The following GALNTL6 variants were observed in gnomAD, a reference collection of about 807,000 sequenced individuals.
The protein encoded by GALNTL6 is polypeptide N-acetylgalactosaminyltransferase like 6, also known as polypeptide N-acetylgalactosaminyltransferase-like 6.
Under a neutral mutation model 73.7 loss-of-function variants are expected in GALNTL6, and 46 were observed. The observed-to-expected ratio is 0.62, with a 90% CI of 0.49 to 0.80. GALNTL6 has a LOEUF of 0.80. Ranked by LOEUF, GALNTL6 falls within the 30% of genes least tolerant of loss-of-function variation. The pLI, the probability that GALNTL6 is intolerant of heterozygous loss-of-function variation, is 0.00. For synonymous variants in GALNTL6, 259 were observed against 263.7 expected (o/e 0.98, Z 0.17); for missense variants, 604 against 755.0 (o/e 0.80, Z 2.34).
At chr4:171,932,544 C>T (rs1738220378) in intron 2 of GALNTL6, among the ~76,000 whole-genome samples, 1 of 152,136 alleles carries the variant, frequency 6.6e-6, no homozygotes, top group African/African-American at 2.4e-5. Flanking sequence ...GGTGTCTTGT[C>T]TAGACAGCAG....
chr4:172,460,915 C>T (rs993722056), intron 5 of GALNTL6, among the ~76,000 whole-genome samples: 3 of 152,106 alleles, frequency 2.0e-5, no homozygotes, highest in East Asian at 1.9e-4. Flanking sequence ...GATACGTACA[C>T]GTGTATGTTT....
intron 2 of GALNTL6, among the ~76,000 whole-genome samples, chr4:172,111,383 GT>G (rs1283744388): frequency 6.6e-6 from 1 of 151,676 alleles, no homozygotes; most frequent in Non-Finnish European, 1.5e-5. Flanking sequence ...TCAGAATATT[GT>G]TTTCTTTTAG....
chr4:172,342,386 T>A (rs1167264367), intron 4 of GALNTL6, among the ~76,000 whole-genome samples: 1 of 152,208 alleles, frequency 6.6e-6, no homozygotes, highest in Non-Finnish European at 1.5e-5. Context: ...ACCTCCTGTG[T>A]AGGCTATAAT....
At chr4:172,126,265 T>C (rs1733290556) in intron 2 of GALNTL6, among the ~76,000 whole-genome samples, 1 of 152,202 alleles carries the variant, frequency 6.6e-6, no homozygotes, top group South Asian at 2.1e-4. Flanking sequence ...TTTTTTCTTA[T>C]TTGGAAGTGA....
intron 2 of GALNTL6, among the ~76,000 whole-genome samples, chr4:171,900,055 G>A (rs944188781): frequency 1.3e-5 from 2 of 151,754 alleles, no homozygotes; most frequent in Admixed American, 6.6e-5. Flanking sequence ...AACTAAATGA[G>A]GGTTATGGAG....
At chr4:172,754,722 G>C (rs1045721691) in intron 5 of GALNTL6, among the ~76,000 whole-genome samples, 3 of 151,780 alleles carry the variant, frequency 2.0e-5, no homozygotes, top group Admixed American at 2.0e-4. Context: ...GTTATAGTTA[G>C]AATTCTTTAG....
chr4:172,205,270 C>T (rs1230131101), intron 2 of GALNTL6, among the ~76,000 whole-genome samples: 1 of 152,080 alleles, frequency 6.6e-6, no homozygotes, highest in African/African-American at 2.4e-5. Flanking sequence ...CAAGGATCTG[C>T]AAAATTTTTC....
chr4:172,887,649 C>T (rs773095272), intron 8 of GALNTL6, among the ~76,000 whole-genome samples: 8 of 151,740 alleles, frequency 5.3e-5, no homozygotes, highest in African/African-American at 1.2e-4. Flanking sequence ...CTGCAATCTC[C>T]GCCTCCTAGG....
At chr4:172,776,192 A>G (rs1480182087) in intron 5 of GALNTL6, among the ~76,000 whole-genome samples, 1 of 152,196 alleles carries the variant, frequency 6.6e-6, no homozygotes, top group Non-Finnish European at 1.5e-5. Flanking sequence ...ATGAAACGCT[A>G]ATGTAAGATT....
chr4:172,777,671 A>G (rs1349937799), intron 5 of GALNTL6, among the ~76,000 whole-genome samples: 2 of 152,114 alleles, frequency 1.3e-5, no homozygotes, highest in Non-Finnish European at 2.9e-5. Flanking sequence ...TCTATTTATG[A>G]TTTGATATGG....
chr4:171,816,001 A>T (rs963154276), intron 2 of GALNTL6: 1 of 152,252 alleles, frequency 6.6e-6, no homozygotes, highest in East Asian at 1.9e-4. Flanking sequence ...TAGGAATTCA[A>T]CTTTGGTTTG....
chr4:172,974,956 G>A (rs564597164), intron 10 of GALNTL6, among the ~76,000 whole-genome samples: 1 of 152,256 alleles, frequency 6.6e-6, no homozygotes, highest in Non-Finnish European at 1.5e-5. Flanking sequence ...GAGCTCCAAA[G>A]AGGGTGTCAC....
At chr4:172,571,226 C>T (rs577475461) in intron 5 of GALNTL6, among the ~76,000 whole-genome samples, 2 of 152,218 alleles carry the variant, frequency 1.3e-5, no homozygotes, top group East Asian at 1.9e-4. Context: ...CCTTATTGTT[C>T]GGAAGCAGGA....
chr4:172,925,169 G>T (rs1009713870), intron 8 of GALNTL6, among the ~76,000 whole-genome samples: 2 of 146,208 alleles, frequency 1.4e-5, no homozygotes, highest in African/African-American at 5.5e-5. Context: ...ACCGCACCAG[G>T]CTTATGTTTT....
intron 4 of GALNTL6, among the ~76,000 whole-genome samples, chr4:172,318,087 A>G (rs528325526): frequency 1.3e-5 from 2 of 152,372 alleles, no homozygotes; most frequent in East Asian, 3.9e-4. Context: ...AGAATCAGGT[A>G]GAAGCCATCT....
chr4:172,956,005 A>T (rs543078016), intron 10 of GALNTL6, among the ~76,000 whole-genome samples: 69 of 152,258 alleles, frequency 4.5e-4, no homozygotes, highest in African/African-American at 1.6e-3. Flanking sequence ...AGCCATCTGG[A>T]TGTGTACGTG....
rs55660692 is a variant in GALNTL6, at chr4:172,450,215, T to TAAA, written c.553+101539_553+101541dup. On this transcript the variant is annotated intron_variant, in intron 5 of 12. Coordinates refer to ENST00000506823, the MANE Select transcript of GALNTL6 (RefSeq NM_001034845.3). ...CTGGGCAACAAGAGCGAAACTCCAT[T>TAAA]AAAAAAAAAAAAAAACAAACAAACT... is the stretch of plus-strand genomic sequence containing the variant. 2.2e-4 allele frequency among the ~76,000 whole-genome samples: 31 copies of TAAA among 142,942 alleles called. No individual in the cohort carries two copies. In the East Asian group the frequency reaches 4.6e-3, roughly 21 times the overall value. 93.8% of individuals were successfully genotyped at this position (142,942 alleles called of 152,430 possible).
At chr4:172,223,966 C>T (rs552209478) in intron 2 of GALNTL6, among the ~76,000 whole-genome samples, 1 of 152,064 alleles carries the variant, frequency 6.6e-6, no homozygotes, top group South Asian at 2.1e-4. Flanking sequence ...ATGCCTAATA[C>T]AAGAATCATA....
At position 173,021,568 on chromosome 4, in the gene GALNTL6, C is replaced by T. The variant is rs371376134; in HGVS notation, c.1581C>T (p.Pro527=). The change falls in exon 12 of 13, where the codon CCC becomes CCT. Residue 527 remains proline (P), a synonymous_variant. Transcript: ENST00000506823. ...FCFDAISHNS[P]VTLYDCHGMK... Reference sequence around the variant, plus strand: ...TTGATGCGATCTCACACAACAGCCCCGTTACACTCTATGACTGTCATGGCA... The same window carrying T: ...TTGATGCGATCTCACACAACAGCCCTGTTACACTCTATGACTGTCATGGCA... 32 of 1,614,010 alleles carry T rather than the reference C, an allele frequency of 2.0e-5. No homozygotes were observed. In the African/African-American group the frequency reaches 3.5e-4, roughly 18 times the overall value.
Sources: gnomAD v4.1 joint callset for allele counts (sites outside exome capture counted in the v4.1 genomes callset) on GRCh38, gnomAD v4.1.1 for gene constraint, MANE v1.5 for transcripts, NCBI Gene and HGNC (gene_info 2026-07-23, HGNC 2026-07-21) for gene names.